Variants in TSPAN2 observed in about 807,000 individuals in gnomAD.
The protein encoded by TSPAN2 is tetraspanin 2.
TSPAN2 carries 24 observed loss-of-function variants against 33.3 expected under a neutral mutation model. The ratio of observed to expected loss-of-function variants is 0.72; its 90% confidence interval spans 0.52 to 1.01. TSPAN2 has a LOEUF of 1.01. TSPAN2 is among the 50% of genes least tolerant of loss of function. TSPAN2 has a pLI of 0.00. For missense variants in TSPAN2, 278 were observed against 281.3 expected (o/e 0.99, Z 0.08); for synonymous variants, 114 against 104.5 (o/e 1.09, Z -0.56).
chr1:115,064,395 T>C (rs1647858105), intron 2 of TSPAN2, among the ~76,000 whole-genome samples: 1 of 152,242 alleles, frequency 6.6e-6, no homozygotes, highest in Non-Finnish European at 1.5e-5. Context: ...AATTGCTACA[T>C]GATGCCGTTT....
intron 1 of TSPAN2, among the ~76,000 whole-genome samples, chr1:115,077,430 C>T (rs1004250745): frequency 1.1e-4 from 17 of 151,956 alleles, no homozygotes; most frequent in African/African-American, 2.2e-4. Context: ...GGTTATAGTA[C>T]GTATTGTCTT....
chr1:115,048,289 A>G lies in TSPAN2; in HGVS notation c.*2201T>C, dbSNP rs1326776074. On this transcript the variant is annotated 3_prime_UTR_variant, in exon 8 of 8. Transcript: ENST00000369516. ...TAGGGATTATATATCTATATATATT[A>G]TATGTGTGTCTATACAGATATATAT... is the stretch of plus-strand genomic sequence containing the variant. 1.4e-4 allele frequency: 2 copies of G among 14,758 alleles called. No homozygotes were observed. Among genetic ancestry groups the G allele is most frequent in the African/African-American group, 2.2e-4 (1 of 4,556 alleles). 0.9% of individuals were successfully genotyped at this position (14,758 alleles called of 1,614,324 possible).
intron 1 of TSPAN2, among the ~76,000 whole-genome samples, chr1:115,088,292 T>C (rs1179152429): frequency 6.6e-6 from 1 of 152,002 alleles, no homozygotes; most frequent in Admixed American, 6.6e-5. Context: ...GAAGACAACG[T>C]CCCCCAGAGC....
chr1:115,066,084 C>A (rs1647939866), intron 2 of TSPAN2, among the ~76,000 whole-genome samples: 1 of 152,158 alleles, frequency 6.6e-6, no homozygotes, highest in African/African-American at 2.4e-5. Flanking sequence ...GGATTTCTTT[C>A]TTTTTATGGC....
intron 1 of TSPAN2, among the ~76,000 whole-genome samples, chr1:115,078,327 A>T (rs1485299988): frequency 6.6e-6 from 1 of 152,188 alleles, no homozygotes; most frequent in Non-Finnish European, 1.5e-5. Context: ...TGTTTCCCAA[A>T]CATAATCCCC....
intron 7 of TSPAN2, 50 bp from the exon 8 acceptor site, chr1:115,050,605 G>C (rs775766176): frequency 2.0e-6 from 3 of 1,535,844 alleles, no homozygotes; most frequent in Non-Finnish European, 2.7e-6. Context: ...GTACTGATAG[G>C]TAAAAAGTTC....
At chr1:115,083,284 C>G (rs981766734) in intron 1 of TSPAN2, among the ~76,000 whole-genome samples, 1 of 152,154 alleles carries the variant, frequency 6.6e-6, no homozygotes, top group African/African-American at 2.4e-5. Context: ...GTTGGAGACC[C>G]AAAGACACTT....
chr1:115,065,059 C>T (rs1177735234), intron 2 of TSPAN2, among the ~76,000 whole-genome samples: 2 of 152,196 alleles, frequency 1.3e-5, no homozygotes, highest in Non-Finnish European at 2.9e-5. Context: ...CCTGAAGCTG[C>T]CCTAGCAGCT....
At chr1:115,060,577 A>C (rs781025017) in intron 3 of TSPAN2, 39 bp from the exon 4 acceptor site, 1 of 1,520,412 alleles carries the variant, frequency 6.6e-7, no homozygotes, top group South Asian at 1.2e-5. Flanking sequence ...TTAATTTAAT[A>C]CCTTTTCAAT....
At chr1:115,058,479 G>A (rs1647523813) in intron 5 of TSPAN2, 2 of 245,048 alleles carry the variant, frequency 8.2e-6, no homozygotes, top group Admixed American at 1.1e-4. Flanking sequence ...ACTTGCTCAA[G>A]GTCACAAGGC....
intron 1 of TSPAN2, among the ~76,000 whole-genome samples, chr1:115,084,922 A>G (rs1345141761): frequency 6.6e-6 from 1 of 152,202 alleles, no homozygotes; most frequent in Non-Finnish European, 1.5e-5. Flanking sequence ...CTTGCCATAT[A>G]TGGAATCTGC....
intron 5 of TSPAN2, chr1:115,058,146 G>A (rs1647508972): frequency 6.3e-6 from 1 of 158,592 alleles, no homozygotes; most frequent in South Asian, 1.8e-4. Context: ...TCAGGTCCTG[G>A]CGGCAGCTGA....
At position 115,058,829 on chromosome 1, in the gene TSPAN2, C is replaced by G; in HGVS notation, c.444+54G>C. ...ATCCTGGTGATTGGTGAGAACCTGG[C>G]TCACACATAATCTTTAGAAGCTGTG... On this transcript the variant is annotated intron_variant, in intron 5 of 7. Transcript: ENST00000369516. The G allele has an allele frequency of 4.3e-6, 6 of 1,398,324 alleles. No individual in the cohort carries two copies. The South Asian group carries it at 7.0e-5, about 16-fold the overall frequency. The allele number at this position is 1,398,324 out of a possible 1,614,324, so 86.6% of individuals were successfully genotyped here.
In TSPAN2 at chr1:115,058,918, T is replaced by C; in HGVS notation, c.409A>G (p.Lys137Glu). 1 of 1,614,112 alleles carries C rather than the reference T, an allele frequency of 6.2e-7. No individual in the cohort carries two copies. The highest frequency in any genetic ancestry group is 8.5e-7 in the Non-Finnish European group (1 of 1,179,950). The part of the protein sequence containing the change: ...AYNDYLKDRG[K>E]GNGTLITFHS... ...AAGGTGATGAGTGTCCCATTGCCTTTTCCCCTGTCTTTAAGGTAATCATTG... is the reference window on the plus strand; with the variant it reads ...AAGGTGATGAGTGTCCCATTGCCTTCTCCCCTGTCTTTAAGGTAATCATTG... Residue 137 changes from lysine (K) to glutamate (E), a missense_variant, in exon 5 of 8, where the codon AAA becomes GAA. Physicochemically the swap from Lys to Glu is moderately conservative, Grantham distance 56. Coordinates refer to ENST00000369516, the MANE Select transcript of TSPAN2 (RefSeq NM_005725.6).
At chr1:115,079,778 C>T (rs925688366) in intron 1 of TSPAN2, among the ~76,000 whole-genome samples, 1 of 152,140 alleles carries the variant, frequency 6.6e-6, no homozygotes, top group Non-Finnish European at 1.5e-5. Flanking sequence ...CCTTTAGGTA[C>T]CAGTGTTTCT....
chr1:115,068,112 A>G (rs1368179347), intron 2 of TSPAN2, among the ~76,000 whole-genome samples: 1 of 152,178 alleles, frequency 6.6e-6, no homozygotes, highest in African/African-American at 2.4e-5. Context: ...AGACTTTGGA[A>G]GGGCCTCCAG....
At chr1:115,060,719 C>G (rs6537853) in intron 3 of TSPAN2, among the ~76,000 whole-genome samples, 181 bp from the exon 4 acceptor site, 139,612 of 152,314 alleles carry the variant, frequency 0.92, 64,017 homozygotes, top group East Asian at 1. Flanking sequence ...TTGGTGCTGA[C>G]TATTCAGTGG....
chr1:115,075,946 C>T (rs907962637), intron 1 of TSPAN2, among the ~76,000 whole-genome samples: 2 of 152,046 alleles, frequency 1.3e-5, no homozygotes, highest in Admixed American at 6.6e-5. Context: ...GAATAAACTA[C>T]AGTCCAGGCC....
At position 115,049,875 on chromosome 1, in the gene TSPAN2, T is replaced by G. The variant is rs1343867093; in HGVS notation, c.*615A>C. The G allele has an allele frequency of 6.6e-6, 1 of 152,644 alleles. No individual in the cohort carries two copies. Among genetic ancestry groups the G allele is most frequent in the Non-Finnish European group, 1.5e-5 (1 of 68,046 alleles). The allele number at this position is 152,644 out of a possible 1,614,324, so 9.5% of individuals were successfully genotyped here. ...GAAAGCATGACTTATTCAAATTGGA[T>G]TTTCCATGCTATATTTAGTTTTACA... On this transcript the variant is annotated 3_prime_UTR_variant, in exon 8 of 8. Transcript: ENST00000369516.
Sources: gnomAD v4.1 joint callset for allele counts (sites outside exome capture counted in the v4.1 genomes callset) on GRCh38, gnomAD v4.1.1 for gene constraint, MANE v1.5 for transcripts, NCBI Gene and HGNC (gene_info 2026-07-23, HGNC 2026-07-21) for gene names.